CTDSPL2: variants seen among roughly 807,000 people sequenced by gnomAD.
CTDSPL2 encodes CTD small phosphatase-like protein 2.
In CTDSPL2, 5 loss-of-function variants were observed where a neutral mutation model predicts 60.0. That is an observed-to-expected ratio of 0.08 (90% CI 0.04 to 0.18). The LOEUF (loss-of-function observed/expected upper bound fraction) is 0.18, where lower values mean the gene tolerates loss of function less well. Ranked by LOEUF, CTDSPL2 falls within the 10% of genes least tolerant of loss-of-function variation. CTDSPL2 has a pLI of 1.00. For synonymous variants in CTDSPL2, 186 were observed against 189.3 expected, an observed-to-expected ratio of 0.98 and a Z score of 0.14; for missense variants, 370 against 548.8, an observed-to-expected ratio of 0.67 and a Z score of 3.26.
intron 8 of CTDSPL2, among the ~76,000 whole-genome samples, chr15:44,507,525 G>A (rs754565972): frequency 6.6e-6 from 1 of 152,156 alleles, no homozygotes; most frequent in Non-Finnish European, 1.5e-5. Context: ...TTTTCATGAA[G>A]CAAAAGATTA....
At position 44,496,442 on chromosome 15, in the gene CTDSPL2, T is replaced by A; in HGVS notation, c.754T>A (p.Trp252Arg). 1 of 1,613,662 alleles carries A rather than the reference T, an allele frequency of 6.2e-7. No homozygotes were observed. Among genetic ancestry groups the A allele is most frequent in the Non-Finnish European group, 8.5e-7 (1 of 1,179,632 alleles). Residue 252 changes from tryptophan to arginine, a missense_variant, in exon 6 of 13, where the codon TGG becomes AGG. By Grantham distance (101) the Trp-to-Arg change is moderately radical (BLOSUM62 -3). Coordinates refer to ENST00000260327, the MANE Select transcript of CTDSPL2 (RefSeq NM_016396.3). ...CGCGGAGGCCACCTATGAAGAAGAC[T>A]GGGAAGTATTTGACCCGTGAGTTGC... ...AHAEATYEED[W>R]EVFDPYYFIK...
intron 7 of CTDSPL2, among the ~76,000 whole-genome samples, chr15:44,498,824 G>A (rs926497031): frequency 6.6e-6 from 1 of 151,666 alleles, no homozygotes; most frequent in South Asian, 2.1e-4. Context: ...ACTTGATCCC[G>A]GGAAGTGGAG....
At chr15:44,441,877 C>T (rs943041264) in intron 1 of CTDSPL2, among the ~76,000 whole-genome samples, 3 of 152,164 alleles carry the variant, frequency 2.0e-5, no homozygotes, top group Non-Finnish European at 4.4e-5. Context: ...TCTTCTCTTT[C>T]TGGGGCTGTA....
intron 1 of CTDSPL2, among the ~76,000 whole-genome samples, chr15:44,455,734 CG>C (rs2140682017): frequency 6.6e-6 from 1 of 150,422 alleles, no homozygotes; most frequent in South Asian, 2.1e-4. Context: ...TATTGATTTG[CG>C]TATGTTGAAC....
In CTDSPL2 at chr15:44,528,073, T is replaced by G. The variant is rs1461729475; in HGVS notation, c.*3899T>G. The G allele has an allele frequency of 6.6e-6, 1 of 152,232 alleles. No homozygotes were observed. Among genetic ancestry groups the G allele is most frequent in the African/African-American group, 2.4e-5 (1 of 41,474 alleles). 9.4% of individuals were successfully genotyped at this position (152,232 alleles called of 1,614,324 possible). A position where few individuals can be genotyped will look rare whatever the true frequency, so the allele number is the denominator to read the frequency against. ...TTTTTATAAAATGTTTCTCTGTATCTTGAATTGAAATTACTTGCCCAGAGG... is the reference window on the plus strand; with the variant it reads ...TTTTTATAAAATGTTTCTCTGTATCGTGAATTGAAATTACTTGCCCAGAGG... On this transcript the variant is annotated 3_prime_UTR_variant, in exon 13 of 13. Transcript: ENST00000260327.
At chr15:44,477,831 G>A (rs1178832428) in intron 2 of CTDSPL2, among the ~76,000 whole-genome samples, 8 of 150,678 alleles carry the variant, frequency 5.3e-5, no homozygotes, top group Non-Finnish European at 7.4e-5. Flanking sequence ...AGAGCGAAAC[G>A]TAGTCTCAAA....
At chr15:44,500,528 A>G (rs1012837858) in intron 8 of CTDSPL2, among the ~76,000 whole-genome samples, 10 of 152,238 alleles carry the variant, frequency 6.6e-5, no homozygotes, top group Admixed American at 4.6e-4. Context: ...TTTAACTAGC[A>G]TTATTTGCAT....
intron 5 of CTDSPL2, among the ~76,000 whole-genome samples, chr15:44,495,029 T>TGACAAAATCTCGGCTCACTGCAAC (rs2081275019): frequency 6.6e-6 from 1 of 152,178 alleles, no homozygotes; most frequent in Non-Finnish European, 1.5e-5. Context: ...TAGAGTGCAA[T>TGACAAAATCTCGGCTCACTGCAAC]GACACAATCT....
chr15:44,496,370 T>C lies in CTDSPL2; in HGVS notation c.692-10T>C. 2 of 1,601,838 alleles carry C rather than the reference T, an allele frequency of 1.2e-6. No individual in the cohort carries two copies. Among genetic ancestry groups the C allele is most frequent in the Non-Finnish European group, 1.7e-6 (2 of 1,170,580 alleles). ...AAAAGCAACATTTTTTCTTTCACTA[T>C]GTTAAATAGCACCAGTAACTCCAGA... On this transcript the variant is annotated splice_polypyrimidine_tract_variant and intron_variant, in intron 5 of 12. Coordinates refer to ENST00000260327, the MANE Select transcript of CTDSPL2 (RefSeq NM_016396.3).
chr15:44,479,568 T>G (rs1403670769), intron 2 of CTDSPL2, among the ~76,000 whole-genome samples: 1 of 151,892 alleles, frequency 6.6e-6, no homozygotes, highest in Admixed American at 6.6e-5. Context: ...CCACCATGAT[T>G]GGCTAATTTT....
intron 7 of CTDSPL2, among the ~76,000 whole-genome samples, chr15:44,498,401 C>T (rs1028354536): frequency 7.3e-5 from 11 of 151,622 alleles, no homozygotes; most frequent in Admixed American, 7.2e-4. Context: ...TGAGACCAGC[C>T]TAGACAACAT....
At chr15:44,499,879 AT>A (rs1227560745) in intron 8 of CTDSPL2, 66 bp downstream of exon 8, 285 of 870,190 alleles carry the variant, frequency 3.3e-4, no homozygotes, top group Admixed American at 4.0e-4. Context: ...AAACTTTTGT[AT>A]TTTTTTTGTG....
At chr15:44,486,760 T>TTG in intron 4 of CTDSPL2, 60 bp downstream of exon 4, 1 of 863,400 alleles carries the variant, frequency 1.2e-6, no homozygotes, top group Non-Finnish European at 1.6e-6. Flanking sequence ...TAGTTTGGGT[T>TTG]TTTTTTTTTT....
chr15:44,463,933 T>C (rs959235952), intron 2 of CTDSPL2, among the ~76,000 whole-genome samples: 5 of 152,178 alleles, frequency 3.3e-5, no homozygotes, highest in Non-Finnish European at 7.3e-5. Flanking sequence ...GCAGTGTCAA[T>C]AGTAACAATA....
At chr15:44,508,244 G>T (rs2081505927) in intron 8 of CTDSPL2, among the ~76,000 whole-genome samples, 1 of 151,834 alleles carries the variant, frequency 6.6e-6, no homozygotes, top group African/African-American at 2.4e-5. Flanking sequence ...CACCACGCCT[G>T]GCTAATTTTT....
At chr15:44,467,618 G>A (rs968398621) in intron 2 of CTDSPL2, among the ~76,000 whole-genome samples, 1 of 151,934 alleles carries the variant, frequency 6.6e-6, no homozygotes, top group Non-Finnish European at 1.5e-5. Flanking sequence ...CTCTCGCCCA[G>A]GCTGGAGTAC....
chr15:44,435,228 G>T (rs117938432), intron 1 of CTDSPL2, among the ~76,000 whole-genome samples: 3,717 of 143,916 alleles, frequency 0.026, 84 homozygotes, highest in East Asian at 0.11. Context: ...CTGTGCCCTA[G>T]CCTGGGCGAC....
chr15:44,459,088 G>A lies in CTDSPL2; in HGVS notation c.74G>A (p.Arg25Lys). The change falls in exon 2 of 13, where the codon AGG becomes AAG. Residue 25 changes from arginine (R) to lysine (K), a missense_variant. Physicochemically the swap from Arg to Lys is conservative, Grantham distance 26. Coordinates refer to ENST00000260327, the MANE Select transcript of CTDSPL2 (RefSeq NM_016396.3). The part of the protein sequence containing the change: ...IQTQRTARAK[R>K]KYSEVDDSLP... Reference sequence around the variant, plus strand: ...ACACAACGCACTGCCAGAGCAAAGAGGAAATATTCAGAGGTTGATGATAGC... The same window carrying A: ...ACACAACGCACTGCCAGAGCAAAGAAGAAATATTCAGAGGTTGATGATAGC... The A allele has an allele frequency of 6.2e-7, 1 of 1,612,560 alleles. No homozygotes were observed.
At chr15:44,494,208 A>G (rs191404002) in intron 5 of CTDSPL2, among the ~76,000 whole-genome samples, 114 of 152,332 alleles carry the variant, frequency 7.5e-4, no homozygotes, top group Middle Eastern at 3.4e-3. Flanking sequence ...CTAAAGCACT[A>G]TCAAAAGATA....
Sources: gnomAD v4.1 joint callset for allele counts (sites outside exome capture counted in the v4.1 genomes callset) on GRCh38, gnomAD v4.1.1 for gene constraint, MANE v1.5 for transcripts, NCBI Gene and HGNC (gene_info 2026-07-23, HGNC 2026-07-21) for gene names.